The following KIAA1217 variants were observed in gnomAD, a reference collection of about 807,000 sequenced individuals.
The protein encoded by KIAA1217 is KIAA1217, also known as sickle tail protein homolog.
Under a neutral mutation model 163.9 loss-of-function variants are expected in KIAA1217, and 88 were observed. That is an observed-to-expected ratio of 0.54 (90% CI 0.45 to 0.64). The LOEUF (loss-of-function observed/expected upper bound fraction) is 0.64, where lower values mean the gene tolerates loss of function less well. KIAA1217 is among the 30% of genes least tolerant of loss of function. The probability of loss-of-function intolerance (pLI) is 0.00; values close to 1 mark genes in which losing one functional copy is unlikely to be tolerated. For synonymous variants in KIAA1217, 903 were observed against 923.1 expected (o/e 0.98, Z 0.39); for missense variants, 2,372 against 2,475.0 (o/e 0.96, Z 0.88).
In KIAA1217 at chr10:24,543,181, GAAAGAC is replaced by G. The variant is rs1212571004; in HGVS notation, c.3916_3921del (p.Thr1306_Lys1307del). On this transcript the variant is annotated inframe_deletion, in exon 19 of 21. Coordinates refer to ENST00000376454, the MANE Select transcript of KIAA1217 (RefSeq NM_019590.5). ...ACCGAGAACCAGACGCTGAATTACGGAAAGACAAAGGAGATGGAAAAGCAAAATACG... is the reference window on the plus strand; with the variant it reads ...ACCGAGAACCAGACGCTGAATTACGGAAAGGAGATGGAAAAGCAAAATACG... 12 of 1,613,084 alleles carry G rather than the reference GAAAGAC, an allele frequency of 7.4e-6. No homozygotes were observed. The East Asian group carries it at 2.7e-4, about 36-fold the overall frequency.
At chr10:24,528,672 G>A (rs1016008530) in intron 14 of KIAA1217, among the ~76,000 whole-genome samples, 1 of 152,042 alleles carries the variant, frequency 6.6e-6, no homozygotes, top group Non-Finnish European at 1.5e-5. Flanking sequence ...GCTGAGTTCT[G>A]TGTTAGGATT....
chr10:24,433,696 C>T (rs949551851), intron 4 of KIAA1217, among the ~76,000 whole-genome samples: 3 of 152,108 alleles, frequency 2.0e-5, no homozygotes, highest in Non-Finnish European at 2.9e-5. Context: ...TCCCAATTCC[C>T]CCTCAAGTGT....
At chr10:23,700,542 A>G (rs1229349212) in intron 1 of KIAA1217, among the ~76,000 whole-genome samples, 1 of 151,726 alleles carries the variant, frequency 6.6e-6, no homozygotes, top group Non-Finnish European at 1.5e-5. Context: ...ATAAGATTCT[A>G]CATGATCTAC....
chr10:24,391,390 G>C (rs1041864047), intron 3 of KIAA1217, among the ~76,000 whole-genome samples: 6 of 135,184 alleles, frequency 4.4e-5, no homozygotes, highest in Non-Finnish European at 7.7e-5. Context: ...TTGTCACCCA[G>C]GCTGGAGTGC....
intron 1 of KIAA1217, among the ~76,000 whole-genome samples, chr10:23,916,968 CAAA>C (rs72049753): frequency 1.5e-4 from 12 of 80,072 alleles, no homozygotes; most frequent in Admixed American, 2.9e-4. Flanking sequence ...GAGATTCTCT[CAAA>C]AAAAAAAAAA....
intron 2 of KIAA1217, among the ~76,000 whole-genome samples, chr10:24,047,364 C>A (rs1849109400): frequency 6.6e-6 from 1 of 152,128 alleles, no homozygotes; most frequent in Admixed American, 6.6e-5. Flanking sequence ...TGGCCTTGAG[C>A]AAGGCAATTA....
At chr10:23,918,934 T>G (rs1842736930) in intron 1 of KIAA1217, among the ~76,000 whole-genome samples, 2 of 152,050 alleles carry the variant, frequency 1.3e-5, no homozygotes, top group Admixed American at 1.3e-4. Context: ...CATACAAGGC[T>G]TAAACAAGCA....
chr10:24,364,198 C>T (rs1262402401), intron 2 of KIAA1217, among the ~76,000 whole-genome samples: 3 of 151,408 alleles, frequency 2.0e-5, no homozygotes, highest in African/African-American at 4.8e-5. Context: ...AGGCTGGTCT[C>T]GAACTCCTGA....
intron 1 of KIAA1217, among the ~76,000 whole-genome samples, chr10:23,892,866 G>C (rs940882163): frequency 6.6e-6 from 1 of 151,884 alleles, no homozygotes; most frequent in African/African-American, 2.4e-5. Flanking sequence ...TGGTTGTAAA[G>C]GAAATGGGGT....
intron 2 of KIAA1217, among the ~76,000 whole-genome samples, chr10:24,008,957 G>A (rs1847129034): frequency 6.6e-6 from 1 of 152,142 alleles, no homozygotes; most frequent in Non-Finnish European, 1.5e-5. Context: ...AATGCCTTGC[G>A]CTTTAGCGTT....
intron 1 of KIAA1217, among the ~76,000 whole-genome samples, chr10:23,822,414 T>C (rs963265862): frequency 1.3e-5 from 2 of 152,174 alleles, no homozygotes; most frequent in Non-Finnish European, 2.9e-5. Flanking sequence ...CACACACATA[T>C]CAGAGTGGGA....
upstream of KIAA1217, among the ~76,000 whole-genome samples, chr10:24,203,834 AC>A (rs2067400971): frequency 6.6e-6 from 1 of 152,048 alleles, no homozygotes; most frequent in Admixed American, 6.6e-5. Flanking sequence ...GATACATGTT[AC>A]ACTTTTCACT....
intron 1 of KIAA1217, among the ~76,000 whole-genome samples, chr10:23,915,103 G>A (rs1842583359): frequency 6.6e-6 from 1 of 151,680 alleles, no homozygotes; most frequent in Non-Finnish European, 1.5e-5. Context: ...AAAGAAAGGA[G>A]GAAAGGAAGG....
intron 2 of KIAA1217, among the ~76,000 whole-genome samples, chr10:24,281,627 G>T (rs532909895): frequency 6.6e-6 from 1 of 152,148 alleles, no homozygotes; most frequent in Non-Finnish European, 1.5e-5. Context: ...AGGAGTACTG[G>T]TGAGTTATTT....
intron 1 of KIAA1217, among the ~76,000 whole-genome samples, chr10:23,711,724 A>G (rs1837269609): frequency 6.6e-6 from 1 of 152,164 alleles, no homozygotes; most frequent in South Asian, 2.1e-4. Context: ...CCAGGAAAGC[A>G]TGGTCCAGTT....
At chr10:24,109,796 T>C (rs540538499) in intron 2 of KIAA1217, among the ~76,000 whole-genome samples, 78 of 152,362 alleles carry the variant, frequency 5.1e-4, no homozygotes, top group African/African-American at 1.8e-3. Flanking sequence ...ATAAAGGATT[T>C]GGTTTGAGAT....
At chr10:24,042,248 T>G (rs536846985) in intron 2 of KIAA1217, 1 of 53,790 alleles carries the variant, frequency 1.9e-5, no homozygotes, top group South Asian at 5.9e-4. Context: ...GTTTTGTTGT[T>G]TTTTTTTTTT....
At chr10:23,990,559 C>A (rs1205224062) in intron 1 of KIAA1217, among the ~76,000 whole-genome samples, 1 of 152,040 alleles carries the variant, frequency 6.6e-6, no homozygotes, top group Non-Finnish European at 1.5e-5. Context: ...TTAGTCATAT[C>A]TTTGGGTGCT....
At chr10:24,151,512 C>T (rs1564760971) in intron 2 of KIAA1217, among the ~76,000 whole-genome samples, 1 of 148,556 alleles carries the variant, frequency 6.7e-6, no homozygotes. Flanking sequence ...AAGGATGTTC[C>T]AGCCACATCA....
Sources: allele counts gnomAD v4.1 joint callset (sites outside exome capture counted in the v4.1 genomes callset), GRCh38; gene constraint gnomAD v4.1.1; transcripts MANE v1.5; gene names NCBI Gene and HGNC (gene_info 2026-07-23, HGNC 2026-07-21).